FAM135A: variants seen among roughly 807,000 people sequenced by gnomAD.
FAM135A encodes protein FAM135A.
In FAM135A, 79 loss-of-function variants were observed where a neutral mutation model predicts 146.8. The ratio of observed to expected loss-of-function variants is 0.54; its 90% CI spans 0.45 to 0.65. The LOEUF (loss-of-function observed/expected upper bound fraction) is 0.65, where lower values mean the gene tolerates loss of function less well. Among genes scored for constraint, FAM135A ranks in the 30% least tolerant of loss-of-function variants. The pLI, the probability that FAM135A is intolerant of heterozygous loss-of-function variation, is 0.00. For synonymous variants in FAM135A, 562 were observed against 603.6 expected (o/e 0.93, Z 1.01); for missense variants, 1,623 against 1,758.2 (o/e 0.92, Z 1.38).
chr6:70,552,529 C>T (rs890960980), intron 20 of FAM135A, among the ~76,000 whole-genome samples: 8 of 139,984 alleles, frequency 5.7e-5, no homozygotes, highest in South Asian at 2.2e-4. Flanking sequence ...AGTACAGTGG[C>T]GTGATCTTGG....
chr6:70,447,050 G>A (rs557491232), intron 4 of FAM135A, among the ~76,000 whole-genome samples: 16 of 152,258 alleles, frequency 1.1e-4, no homozygotes, highest in African/African-American at 3.4e-4. Flanking sequence ...ATGCTTCAGG[G>A]GCTTTACCAA....
chr6:70,480,104 A>G (rs925660434), intron 8 of FAM135A, among the ~76,000 whole-genome samples: 1 of 152,152 alleles, frequency 6.6e-6, no homozygotes, highest in Admixed American at 6.6e-5. Context: ...GCTTTGGCCT[A>G]CTTTATCTCA....
At chr6:70,440,420 C>T (rs1166311769) in intron 4 of FAM135A, among the ~76,000 whole-genome samples, 4 of 152,132 alleles carry the variant, frequency 2.6e-5, no homozygotes, top group Admixed American at 2.0e-4. Flanking sequence ...GGCACGGTGG[C>T]TCACACTTGT....
chr6:70,478,481 T>C (rs1783047600), intron 8 of FAM135A, among the ~76,000 whole-genome samples: 1 of 152,172 alleles, frequency 6.6e-6, no homozygotes, highest in African/African-American at 2.4e-5. Flanking sequence ...ATCAGAAAAC[T>C]AAGTAAATCA....
intron 20 of FAM135A, among the ~76,000 whole-genome samples, chr6:70,541,667 T>C (rs1797947742): frequency 6.6e-6 from 1 of 152,188 alleles, no homozygotes. Context: ...TATTAATATA[T>C]ATCTCTAGCT....
chr6:70,550,601 A>G (rs1799649566), intron 20 of FAM135A, among the ~76,000 whole-genome samples: 1 of 152,202 alleles, frequency 6.6e-6, no homozygotes, highest in African/African-American at 2.4e-5. Flanking sequence ...ATGTGCTGTA[A>G]TCCAGGCTTT....
chr6:70,534,312 CTTTTTTTTTTTTTTTTT>C (rs1179072858), intron 18 of FAM135A, among the ~76,000 whole-genome samples: 3 of 89,846 alleles, frequency 3.3e-5, no homozygotes, highest in African/African-American at 1.4e-4. Context: ...AGTTTGTATA[CTTTTTTTTTTTTTTTTT>C]TTTTTTTTGA....
intron 8 of FAM135A, among the ~76,000 whole-genome samples, chr6:70,480,081 G>A (rs777351703): frequency 9.9e-5 from 15 of 151,952 alleles, no homozygotes; most frequent in South Asian, 2.1e-4. Flanking sequence ...CCAAACTATC[G>A]AACAGTTCAA....
At position 70,480,207 on chromosome 6, in the gene FAM135A, A is replaced by G. The variant is rs146395358; in HGVS notation, c.543-694A>G. Among the ~76,000 whole-genome samples, 471 of 152,240 alleles carry G rather than the reference A, an allele frequency of 3.1e-3. 2 individuals are homozygous for G. The highest frequency in any genetic ancestry group is 0.011 in the African/African-American group (446 of 41,542). On this transcript the variant is annotated intron_variant, in intron 8 of 21. Transcript: ENST00000418814. Reference sequence around the variant, plus strand: ...GTTAATACTAACAGAAGTAATTCATATAGTATGTAATTGATGGTGCCTTGA... The same window carrying G: ...GTTAATACTAACAGAAGTAATTCATGTAGTATGTAATTGATGGTGCCTTGA...
At chr6:70,491,216 T>C (rs1294027690) in intron 11 of FAM135A, 133 bp downstream of exon 11, 10 of 700,174 alleles carry the variant, frequency 1.4e-5, no homozygotes, top group Non-Finnish European at 2.3e-5. Flanking sequence ...TTGATCATGG[T>C]AGAACCACAA....
chr6:70,479,279 G>A (rs1001149654), intron 8 of FAM135A, among the ~76,000 whole-genome samples: 30 of 152,218 alleles, frequency 2.0e-4, no homozygotes, highest in African/African-American at 7.0e-4. Flanking sequence ...CTCTTGCAAC[G>A]CAGCAATTTT....
At chr6:70,540,354 T>C (rs1273711829) in intron 20 of FAM135A, among the ~76,000 whole-genome samples, 4 of 134,202 alleles carry the variant, frequency 3.0e-5, no homozygotes, top group African/African-American at 1.1e-4. Flanking sequence ...AGACGGAGTC[T>C]CGCTCTGCCG....
chr6:70,428,251 A>C (rs1005809283), intron 3 of FAM135A, 53 bp from the exon 4 acceptor site: 4 of 792,570 alleles, frequency 5.0e-6, no homozygotes, highest in African/African-American at 3.6e-5. Flanking sequence ...GCATTTTTAT[A>C]AGTTGGCATT....
intron 4 of FAM135A, among the ~76,000 whole-genome samples, chr6:70,449,185 G>A (rs1776494461): frequency 6.6e-6 from 1 of 151,748 alleles, no homozygotes; most frequent in South Asian, 2.1e-4. Context: ...ACAATGTAAT[G>A]TTTGGATGTA....
intron 2 of FAM135A, among the ~76,000 whole-genome samples, chr6:70,421,620 G>A (rs953194422): frequency 3.9e-5 from 6 of 152,178 alleles, no homozygotes; most frequent in African/African-American, 1.4e-4. Context: ...GTCATTTCCT[G>A]TTTGGGATCC....
intron 20 of FAM135A, among the ~76,000 whole-genome samples, chr6:70,545,493 T>A (rs2128464476): frequency 6.6e-6 from 1 of 152,116 alleles, no homozygotes; most frequent in Middle Eastern, 3.4e-3. Flanking sequence ...CGCACACCTG[T>A]AATCCCAGCT....
At chr6:70,471,490 T>C (rs1781597662) in intron 5 of FAM135A, among the ~76,000 whole-genome samples, 1 of 152,116 alleles carries the variant, frequency 6.6e-6, no homozygotes, top group Non-Finnish European at 1.5e-5. Flanking sequence ...ATGTTCTCAC[T>C]TATGAGTGGG....
chr6:70,545,685 A>T (rs1798726315), intron 20 of FAM135A, among the ~76,000 whole-genome samples: 2 of 152,200 alleles, frequency 1.3e-5, no homozygotes, highest in Non-Finnish European at 2.9e-5. Context: ...ATACTGGAAA[A>T]ATAATAATAG....
intron 3 of FAM135A, 171 bp downstream of exon 3, chr6:70,426,703 G>A (rs1770230899): frequency 6.6e-6 from 1 of 152,216 alleles, no homozygotes; most frequent in Non-Finnish European, 1.5e-5. Flanking sequence ...GAGAGTCATG[G>A]ATCAAGGTCG....
Sources: gnomAD v4.1 joint callset for allele counts (sites outside exome capture counted in the v4.1 genomes callset) on GRCh38, gnomAD v4.1.1 for gene constraint, MANE v1.5 for transcripts, NCBI Gene and HGNC (gene_info 2026-07-23, HGNC 2026-07-21) for gene names.